AOPEP: variants seen among roughly 807,000 people sequenced by gnomAD.
AOPEP encodes aminopeptidase O.
A neutral mutation model predicts 98.1 loss-of-function variants in AOPEP; 77 were observed. The observed-to-expected ratio is 0.78, with a 90% CI of 0.65 to 0.95. The LOEUF (loss-of-function observed/expected upper bound fraction) is 0.95. Among genes scored for constraint, AOPEP ranks in the 40% least tolerant of loss-of-function variants. AOPEP has a pLI of 0.00. For synonymous variants in AOPEP, 346 were observed against 365.3 expected, an observed-to-expected ratio of 0.95 and a Z score of 0.60; for missense variants, 1,024 against 1,024.7, an observed-to-expected ratio of 1.00 and a Z score of 0.01.
Position 95,020,794 on chromosome 9 carries a change from T to C in AOPEP, c.2115+15178T>C, listed in dbSNP as rs180782965. Among the ~76,000 whole-genome samples the C allele has an allele frequency of 7.0e-3, 1,056 of 151,380 alleles. 10 individuals carry two copies. The highest frequency in any genetic ancestry group is 0.024 in the African/African-American group (1,003 of 41,244). ...TTAGCCAGGTGTGGTGGTGCATGGC[T>C]GTGGTCCCAGCTACTCAGGAGGCTG... On this transcript the variant is annotated intron_variant, in intron 13 of 16. Coordinates refer to ENST00000375315, the MANE Select transcript of AOPEP (RefSeq NM_001193329.3).
At chr9:94,852,420 A>C (rs1204624864) in intron 5 of AOPEP, among the ~76,000 whole-genome samples, 1 of 152,180 alleles carries the variant, frequency 6.6e-6, no homozygotes, top group Non-Finnish European at 1.5e-5. Flanking sequence ...GTTTGCATAG[A>C]CCAGGGTGGG....
At chr9:94,938,056 G>A (rs1296570362) in intron 7 of AOPEP, among the ~76,000 whole-genome samples, 1 of 152,158 alleles carries the variant, frequency 6.6e-6, no homozygotes, top group Admixed American at 6.5e-5. Flanking sequence ...TGTATTTTTA[G>A]TGGAGACAGG....
intron 1 of AOPEP, among the ~76,000 whole-genome samples, chr9:94,728,239 G>GCGCACA (rs113657409): frequency 2.0e-5 from 3 of 146,512 alleles, no homozygotes; most frequent in Non-Finnish European, 4.5e-5. Flanking sequence ...GTGCGCGCAT[G>GCGCACA]CACACACACA....
chr9:94,898,586 C>T (rs768505014), intron 5 of AOPEP, among the ~76,000 whole-genome samples: 3 of 149,652 alleles, frequency 2.0e-5, no homozygotes, highest in Non-Finnish European at 3.0e-5. Flanking sequence ...TGAGCCAGAT[C>T]GCGCCATTGC....
the AOPEP span, chr9:95,125,233 C>G: frequency 6.7e-7 from 1 of 1,502,746 alleles, no homozygotes; most frequent in East Asian, 2.3e-5. Flanking sequence ...AGTAATCCGG[C>G]AAACATGAAA....
chr9:95,004,700 G>T (rs1315110875), intron 11 of AOPEP, among the ~76,000 whole-genome samples: 1 of 150,098 alleles, frequency 6.7e-6, no homozygotes, highest in African/African-American at 2.4e-5. Context: ...CGCAGGGCGC[G>T]GAGCCGGGGG....
chr9:94,967,855 A>T, intron 10 of AOPEP, 54 bp downstream of exon 10: 1 of 1,424,974 alleles, frequency 7.0e-7, no homozygotes, highest in Admixed American at 1.7e-5. Flanking sequence ...AATGTTAAAA[A>T]TGACATTGCC....
chr9:94,953,650 TA>T (rs5899240), intron 7 of AOPEP, among the ~76,000 whole-genome samples: 1 of 152,160 alleles, frequency 6.6e-6, no homozygotes, highest in Non-Finnish European at 1.5e-5. Context: ...GTAAGGCTGC[TA>T]GTCTAAACTA....
At chr9:94,887,415 G>T (rs1210757971) in intron 5 of AOPEP, among the ~76,000 whole-genome samples, 1 of 152,030 alleles carries the variant, frequency 6.6e-6, no homozygotes, top group East Asian at 1.9e-4. Context: ...GAATTCCATG[G>T]TATAATGGCA....
At chr9:95,117,504 C>T in the AOPEP span, 1 of 764,046 alleles carries the variant, frequency 1.3e-6, no homozygotes. Flanking sequence ...CTAACATGGT[C>T]AGAACACTTT....
At chr9:94,828,746 TACAC>T (rs1194220432) in intron 5 of AOPEP, among the ~76,000 whole-genome samples, 1 of 151,650 alleles carries the variant, frequency 6.6e-6, no homozygotes, top group African/African-American at 2.4e-5. Context: ...TATATATATA[TACAC>T]ACACACAATA....
chr9:94,932,607 C>T (rs2055536286), intron 7 of AOPEP: 3 of 166,306 alleles, frequency 1.8e-5, no homozygotes, highest in African/African-American at 7.2e-5. Flanking sequence ...CCTCAGTCTC[C>T]CAAGTAGCTG....
the AOPEP span, among the ~76,000 whole-genome samples, chr9:95,131,725 C>T: frequency 1.3e-5 from 2 of 152,158 alleles, no homozygotes; most frequent in African/African-American, 4.8e-5. Context: ...GAAAAGAAAA[C>T]CCTGGCATGT....
intron 4 of AOPEP, among the ~76,000 whole-genome samples, chr9:94,799,685 A>G (rs1017021407): frequency 2.6e-5 from 4 of 152,064 alleles, no homozygotes; most frequent in African/African-American, 9.7e-5. Context: ...CAACATGGTA[A>G]AACCCCGTCT....
intron 10 of AOPEP, among the ~76,000 whole-genome samples, chr9:94,974,963 T>G (rs2059749838): frequency 6.6e-6 from 1 of 152,050 alleles, no homozygotes; most frequent in Non-Finnish European, 1.5e-5. Flanking sequence ...TTTGGCTGGG[T>G]GTGGTGGTTC....
the AOPEP span, among the ~76,000 whole-genome samples, chr9:95,120,469 C>T: frequency 4.0e-5 from 6 of 150,784 alleles, no homozygotes; most frequent in African/African-American, 1.2e-4. Flanking sequence ...GGCTGGAGTG[C>T]AGTGGTGTGA....
chr9:94,779,747 A>G (rs1227527093), intron 3 of AOPEP, among the ~76,000 whole-genome samples: 1 of 152,050 alleles, frequency 6.6e-6, no homozygotes, highest in Non-Finnish European at 1.5e-5. Flanking sequence ...TTACAATATG[A>G]ATATGGTGCT....
intron 9 of AOPEP, among the ~76,000 whole-genome samples, chr9:94,958,742 ATTGAGTT>A (rs1262378438): frequency 6.6e-6 from 1 of 152,176 alleles, no homozygotes; most frequent in Non-Finnish European, 1.5e-5. Context: ...GTCTTTTATT[ATTGAGTT>A]TTAAGACTAC....
At chr9:94,744,285 G>A (rs1431970703) in intron 1 of AOPEP, among the ~76,000 whole-genome samples, 3 of 152,082 alleles carry the variant, frequency 2.0e-5, no homozygotes, top group Admixed American at 6.5e-5. Flanking sequence ...CCAGCTACTC[G>A]GGAGCCTGAG....
Sources: allele counts gnomAD v4.1 joint callset (sites outside exome capture counted in the v4.1 genomes callset), GRCh38; gene constraint gnomAD v4.1.1; transcripts MANE v1.5; gene names NCBI Gene and HGNC (gene_info 2026-07-23, HGNC 2026-07-21).